MTA1: variants seen among roughly 807,000 people sequenced by gnomAD.
The protein encoded by MTA1 is metastasis associated 1, also known as metastasis-associated protein MTA1.
Under a neutral mutation model 97.0 loss-of-function variants are expected in MTA1, and 15 were observed. The ratio of observed to expected loss-of-function variants is 0.15; its 90% CI spans 0.10 to 0.24. The LOEUF is 0.24. Ranked by LOEUF, MTA1 falls within the 10% of genes least tolerant of loss-of-function variation. MTA1 has a pLI of 1.00. For synonymous variants in MTA1, 435 were observed against 417.5 expected, an observed-to-expected ratio of 1.04 and a Z score of -0.51; for missense variants, 709 against 1,015.1, an observed-to-expected ratio of 0.70 and a Z score of 4.10.
intron 8 of MTA1, among the ~76,000 whole-genome samples, chr14:105,458,710 C>T (rs1353409239): frequency 6.6e-6 from 1 of 152,186 alleles, no homozygotes; most frequent in African/African-American, 2.4e-5. Context: ...TGGAGCAGAG[C>T]AGCTGCAGCC....
rs1009697061 is a variant in MTA1 at position 105,469,299 on chromosome 14, C to T, written c.1814-168C>T. The T allele has an allele frequency of 1.1e-4, 79 of 711,972 alleles. 1 individual carries two copies. The highest frequency in any genetic ancestry group is 9.1e-4 in the South Asian group (55 of 60,628). The allele number at this position is 711,972 out of a possible 1,614,324, so 44.1% of individuals were successfully genotyped here. A position where few individuals can be genotyped will look rare whatever the true frequency, so the allele number is the denominator to read the frequency against. ...TGGGGCCACCAGGCGGCCCAGGACC[C>T]GGGGATGCGAGGCCCCACGTCCCCC... On this transcript the variant is annotated intron_variant, in intron 18 of 20. Coordinates refer to ENST00000331320, the MANE Select transcript of MTA1 (RefSeq NM_004689.4).
chr14:105,470,203 C>A lies in MTA1; in HGVS notation c.2136C>A (p.Val712=). The A allele has an allele frequency of 1.9e-6, 3 of 1,598,638 alleles. No individual in the cohort carries two copies. The highest frequency in any genetic ancestry group is 1.1e-5 in the South Asian group (1 of 90,266). The change falls in exon 21 of 21, where the codon GTC becomes GTA. Residue 712 remains valine, a synonymous_variant. Transcript: ENST00000331320. ...PPAPVNDEPI[V]IED ...CGCCCGTCAACGACGAGCCCATCGT[C>A]ATCGAGGACTAGGGGCCGCCCCCAC...
chr14:105,461,057 T>C, intron 10 of MTA1, 104 bp downstream of exon 10: 1 of 1,200,102 alleles, frequency 8.3e-7, no homozygotes, highest in Non-Finnish European at 1.2e-6. Flanking sequence ...AGGGAGCCTG[T>C]CCTGCACCCT....
Position 105,460,861 on chromosome 14 carries a change from G to A in MTA1, c.850G>A (p.Glu284Lys). ...PQGGPVLCRD[E>K]MEEWSASEAN... ...GGGCGGGCCCGTGCTCTGCAGGGAC[G>A]AGATGGAGGAGTGGTCTGCATCAGA... Residue 284 changes from glutamate to lysine, a missense_variant, in exon 10 of 21, where the codon GAG becomes AAG. Coordinates refer to ENST00000331320, the MANE Select transcript of MTA1 (RefSeq NM_004689.4). 1 of 1,612,902 alleles carries A rather than the reference G, an allele frequency of 6.2e-7. No individual in the cohort carries two copies. Among genetic ancestry groups the A allele is most frequent in the Non-Finnish European group, 8.5e-7 (1 of 1,179,750 alleles).
chr14:105,431,955 T>A (rs781848690), intron 1 of MTA1, among the ~76,000 whole-genome samples: 1 of 152,200 alleles, frequency 6.6e-6, no homozygotes, highest in East Asian at 1.9e-4. Context: ...TGTCATGCCT[T>A]ATTGAACCAG....
intron 1 of MTA1, among the ~76,000 whole-genome samples, chr14:105,434,748 G>T (rs141747123): frequency 1.3e-5 from 2 of 152,052 alleles, no homozygotes; most frequent in East Asian, 1.9e-4. Context: ...TGATCCGCCC[G>T]CCTCAGCCTC....
Position 105,463,113 on chromosome 14 carries a change from C to A in MTA1, c.943-71C>A. ...CCTCTGTGGCCTTCTGGCCGCAGCC[C>A]TGCCCCTGCCTGCATGGTGTGCCTG... On this transcript the variant is annotated intron_variant, in intron 10 of 20. Transcript: ENST00000331320. This position sits in a 1 kb window ranked among gnomAD's most constrained non-coding sequence, Gnocchi z 5.9. The A allele has an allele frequency of 2.0e-6, 3 of 1,478,252 alleles. No homozygotes were observed. Among genetic ancestry groups the A allele is most frequent in the South Asian group, 1.2e-5 (1 of 86,420 alleles). 91.6% of individuals were successfully genotyped at this position (1,478,252 alleles called of 1,614,324 possible). A position where few individuals can be genotyped will look rare whatever the true frequency, so the allele number is the denominator to read the frequency against.
chr14:105,468,179 C>T lies in MTA1; in HGVS notation c.1814-1288C>T, dbSNP rs985356224. The T allele has an allele frequency of 1.6e-5, 9 of 568,388 alleles. No individual in the cohort carries two copies. The East Asian group carries it at 5.5e-4, about 35-fold the overall frequency. 35.2% of individuals were successfully genotyped at this position (568,388 alleles called of 1,614,324 possible). On this transcript the variant is annotated intron_variant, in intron 18 of 20. Transcript: ENST00000331320. The stretch of plus-strand genomic sequence containing the variant: ...GGCATGAGCTGAGCTCGAGTGAGGG[C>T]CCTGCCTGCCCACAGCACGGGGCCC...
rs1401836741 is a variant in MTA1 at position 105,424,255 on chromosome 14, C to T, written c.28+4192C>T. The stretch of plus-strand genomic sequence containing the variant: ...TGTCCCCCAGGCTGGAGTGCAGTAG[C>T]GCAATCTGGGCTCACTGCAAGTCCG... On this transcript the variant is annotated intron_variant, in intron 1 of 20. Coordinates refer to ENST00000331320, the MANE Select transcript of MTA1 (RefSeq NM_004689.4). The surrounding 1 kb of genome is among the most constrained non-coding windows in gnomAD (Gnocchi z 4.0). Among the ~76,000 whole-genome samples the T allele has an allele frequency of 6.6e-6, 1 of 152,254 alleles. No homozygotes were observed. Among genetic ancestry groups the T allele is most frequent in the African/African-American group, 2.4e-5 (1 of 41,476 alleles).
In MTA1 at chr14:105,464,720, C is replaced by T; in HGVS notation, c.1391C>T (p.Ala464Val). The T allele has an allele frequency of 2.5e-6, 4 of 1,607,814 alleles. No individual in the cohort carries two copies. Among genetic ancestry groups the T allele is most frequent in the Non-Finnish European group, 3.4e-6 (4 of 1,176,250 alleles). The change falls in exon 15 of 21, where the codon GCC (alanine) becomes GTC (valine). Residue 464 changes from alanine to valine, a missense_variant. By Grantham distance (64) the Ala-to-Val change is moderately conservative. Around this residue, in one of 2 missense-constraint regions of MTA1, gnomAD observed 388 missense variants for 421.6 expected, o/e 0.92. Transcript: ENST00000331320. The part of the protein sequence containing the change: ...PARSSGSPKF[A>V]MKTRQAFYLH... ...CGGAGCAGCGGGAGCCCCAAGTTTG[C>T]CATGAAGACCAGGCAGGCTTTCTAT...
chr14:105,466,516 T>A lies in MTA1; in HGVS notation c.1715T>A (p.Ile572Asn), dbSNP rs1555432881. The A allele has an allele frequency of 6.6e-7, 1 of 1,526,042 alleles. No homozygotes were observed. 94.5% of individuals were successfully genotyped at this position (1,526,042 alleles called of 1,614,324 possible). ...SLTPAKVAPV[I>N]NNGSPTILGK... ...ACGCCCGCCAAGGTGGCCCCCGTCA[T>A]CAACAACGGCTCCCCCACCATCCTG... The change falls in exon 17 of 21, where the codon ATC becomes AAC. Residue 572 changes from isoleucine to asparagine, a missense_variant. By Grantham distance (149) the Ile-to-Asn change is moderately radical (BLOSUM62 -3). Transcript: ENST00000331320.
intron 10 of MTA1, among the ~76,000 whole-genome samples, chr14:105,462,726 G>A (rs185626035): frequency 1.3e-5 from 2 of 152,164 alleles, no homozygotes; most frequent in East Asian, 3.9e-4. Context: ...AAAATTAGCC[G>A]GGTGTGTTGA....
In MTA1 at chr14:105,463,930, G is replaced by A; in HGVS notation, c.1077-102G>A. On this transcript the variant is annotated intron_variant, in intron 12 of 20. Coordinates refer to ENST00000331320, the MANE Select transcript of MTA1 (RefSeq NM_004689.4). The surrounding 1 kb of genome is among the most constrained non-coding windows in gnomAD (Gnocchi z 5.9). Reference sequence around the variant, plus strand: ...CCGAGGCCGAGGGGTGCGAGGACGTGGTTCTGGACAAGGGGTGGTCAGCCG... The same window carrying A: ...CCGAGGCCGAGGGGTGCGAGGACGTAGTTCTGGACAAGGGGTGGTCAGCCG... 2 of 1,086,726 alleles carry A rather than the reference G, an allele frequency of 1.8e-6. No homozygotes were observed. The highest frequency in any genetic ancestry group is 2.8e-6 in the Non-Finnish European group (2 of 709,956). 67.3% of individuals were successfully genotyped at this position (1,086,726 alleles called of 1,614,324 possible).
intron 2 of MTA1, among the ~76,000 whole-genome samples, chr14:105,440,396 C>T (rs1291360255): frequency 6.6e-6 from 1 of 152,226 alleles, no homozygotes; most frequent in East Asian, 1.9e-4. Flanking sequence ...CACTGCTGGC[C>T]CCACACAGCC....
chr14:105,444,910 C>T (rs77694285), intron 2 of MTA1, among the ~76,000 whole-genome samples: 90 of 152,282 alleles, frequency 5.9e-4, no homozygotes, highest in African/African-American at 1.9e-3. Flanking sequence ...AGAAAACATA[C>T]GTGCTTCTCT....
chr14:105,451,722 C>T (rs1405937152), intron 6 of MTA1, among the ~76,000 whole-genome samples: 2 of 151,918 alleles, frequency 1.3e-5, no homozygotes, highest in East Asian at 1.9e-4. Context: ...GCTGCTCAGG[C>T]ACCCTGAAAC....
chr14:105,464,579 G>T lies in MTA1; in HGVS notation c.1344+12G>T, dbSNP rs587710996. ...ACCGCAGTAACATGGTAAGGGGGGG[G>T]ACACCCGCCCTGCCTGCCATGAGCC... is the stretch of plus-strand genomic sequence containing the variant. On this transcript the variant is annotated intron_variant, in intron 14 of 20. Transcript: ENST00000331320. 5 of 1,612,392 alleles carry T rather than the reference G, an allele frequency of 3.1e-6. No individual in the cohort carries two copies. Among genetic ancestry groups the T allele is most frequent in the East Asian group, 2.2e-5 (1 of 44,868 alleles).
chr14:105,466,582 AGTGGCCCCCCCGCCCGGTGAGT>A lies in MTA1; in HGVS notation c.1777+12_1777+33del, dbSNP rs781804211. 8.9e-6 allele frequency: 14 copies of A among 1,571,426 alleles called. No homozygotes were observed. The highest frequency in any genetic ancestry group is 4.7e-5 in the East Asian group (2 of 42,658). ...GAGCAGCACAACGGGGTGGACGGTG[AGTGGCCCCCCCGCCCGGTGAGT>A]GTGGCCCTCCCCGCCCGGTGAGTCC... On this transcript the variant is annotated splice_donor_5th_base_variant and intron_variant, in intron 17 of 20. Coordinates refer to ENST00000331320, the MANE Select transcript of MTA1 (RefSeq NM_004689.4).
In MTA1 at chr14:105,469,934, C is replaced by T. The variant is rs782370721; in HGVS notation, c.1939C>T (p.Arg647Trp). 9.0e-5 allele frequency: 145 copies of T among 1,612,116 alleles called. No homozygotes were observed. The highest frequency in any genetic ancestry group is 1.2e-4 in the Non-Finnish European group (142 of 1,179,718). ...CTCCCTGCCCCCAGTCAAGCGGCGG[C>T]GGATGAACTGGATCGACGCCCCGGA... ...GGSLPPVKRR[R>W]MNWIDAPDDV... The change falls in exon 20 of 21, where the codon CGG (arginine) becomes TGG (tryptophan). Residue 647 changes from arginine to tryptophan, a missense_variant. Around this residue, in one of 2 missense-constraint regions of MTA1, gnomAD observed 388 missense variants for 421.6 expected, o/e 0.92. Transcript: ENST00000331320.
Sources: gnomAD v4.1 joint callset for allele counts (sites outside exome capture counted in the v4.1 genomes callset) on GRCh38, gnomAD v4.1.1 for gene constraint, gnomAD v4.1.1 regional missense constraint, Gnocchi (gnomAD v3.1) non-coding constraint, MANE v1.5 for transcripts, NCBI Gene and HGNC (gene_info 2026-07-23, HGNC 2026-07-21) for gene names.